The following GARNL3 variants were observed in gnomAD, a reference collection of about 807,000 sequenced individuals.
GARNL3 encodes GTPase activating Rap/RanGAP domain like 3.
GARNL3 carries 63 observed loss-of-function variants against 125.0 expected under a neutral mutation model. That is an observed-to-expected ratio of 0.50 (90% CI 0.41 to 0.62). The LOEUF (loss-of-function observed/expected upper bound fraction) is 0.62, where lower values mean the gene tolerates loss of function less well. Among genes scored for constraint, GARNL3 ranks in the 20% least tolerant of loss-of-function variants. The pLI is 0.00. For synonymous variants in GARNL3, 439 were observed against 457.5 expected (o/e 0.96, Z 0.52); for missense variants, 994 against 1,244.0 (o/e 0.80, Z 3.02).
chr9:127,344,188 G>C (rs1445238950), intron 14 of GARNL3, 47 bp from the exon 15 acceptor site: 1 of 1,324,306 alleles, frequency 7.6e-7, no homozygotes, highest in African/African-American at 1.5e-5. Context: ...CAAAAGATGA[G>C]ACTTAACAAC....
chr9:127,271,801 G>C lies in GARNL3; in HGVS notation c.144+6780G>C, dbSNP rs115478280. Among the ~76,000 whole-genome samples the C allele has an allele frequency of 4.6e-4, 69 of 150,336 alleles. 7 individuals carry two copies. The highest frequency in any genetic ancestry group is 1.5e-3 in the African/African-American group (60 of 39,676). ...TAAAACCCCGTATCTTGATACTTCT[G>C]GGTAAGTAATGATCTACTGGTGATT... is the stretch of plus-strand genomic sequence containing the variant. On this transcript the variant is annotated intron_variant, in intron 1 of 27. Coordinates refer to ENST00000373387, the MANE Select transcript of GARNL3 (RefSeq NM_032293.5).
At chr9:127,267,285 A>T (rs1334444834) in intron 1 of GARNL3, among the ~76,000 whole-genome samples, 2 of 152,178 alleles carry the variant, frequency 1.3e-5, no homozygotes, top group Admixed American at 6.5e-5. Flanking sequence ...AAATATATTT[A>T]AAAATTCCAC....
intron 15 of GARNL3, among the ~76,000 whole-genome samples, chr9:127,344,890 A>G (rs1830056865): frequency 6.6e-6 from 1 of 152,176 alleles, no homozygotes; most frequent in Admixed American, 6.5e-5. Context: ...CCGGGAGGCG[A>G]CACAGCTGTC....
At chr9:127,374,995 A>G (rs759003751) in intron 22 of GARNL3, among the ~76,000 whole-genome samples, 2 of 152,252 alleles carry the variant, frequency 1.3e-5, no homozygotes, top group Non-Finnish European at 2.9e-5. Context: ...GGCTAAAATG[A>G]AAACGATTGC....
intron 17 of GARNL3, among the ~76,000 whole-genome samples, chr9:127,350,277 A>G (rs1054812769): frequency 6.6e-6 from 1 of 152,238 alleles, no homozygotes; most frequent in Admixed American, 6.5e-5. Flanking sequence ...TAAATTGGAG[A>G]TAATTTTTTA....
At chr9:127,339,996 C>T (rs1193978061) in intron 13 of GARNL3, among the ~76,000 whole-genome samples, 2 of 152,120 alleles carry the variant, frequency 1.3e-5, no homozygotes, top group African/African-American at 2.4e-5. Context: ...TAAGGACCCT[C>T]GGGCCTCAAA....
At chr9:127,225,464 T>C in intron 1 of GARNL3, 1 of 670,944 alleles carries the variant, frequency 1.5e-6, no homozygotes, top group Non-Finnish European at 1.8e-6. Flanking sequence ...GGGATGGCGA[T>C]GTGAAGGGAC....
chr9:127,266,025 A>G lies in GARNL3; in HGVS notation c.144+1004A>G, dbSNP rs2063698205. Among the ~76,000 whole-genome samples, 1 of 152,238 alleles carries G rather than the reference A, an allele frequency of 6.6e-6. No individual in the cohort carries two copies. The highest frequency in any genetic ancestry group is 2.1e-4 in the South Asian group (1 of 4,830). ...GGAGCTTACTGTCCTCTGGCTGGGCAGATAAGACACATAAAATATCTGAAG... is the reference window on the plus strand; with the variant it reads ...GGAGCTTACTGTCCTCTGGCTGGGCGGATAAGACACATAAAATATCTGAAG... On this transcript the variant is annotated intron_variant, in intron 1 of 27. Transcript: ENST00000373387. The surrounding 1 kb of genome is among the most constrained non-coding windows in gnomAD (Gnocchi z 4.0).
rs914127728 is a variant in GARNL3 at position 127,393,423 on chromosome 9, T to C, written c.*169T>C. 1 of 484,950 alleles carries C rather than the reference T, an allele frequency of 2.1e-6. No individual in the cohort carries two copies. The highest frequency in any genetic ancestry group is 3.7e-6 in the Non-Finnish European group (1 of 272,020). 30.0% of individuals were successfully genotyped at this position (484,950 alleles called of 1,614,324 possible). A position where few individuals can be genotyped will look rare whatever the true frequency, so the allele number is the denominator to read the frequency against. ...TCCCTCTCCAATGTCCGGTGCCATC[T>C]TTCCTGACCTTTGTTTCTTTCTGTT... On this transcript the variant is annotated 3_prime_UTR_variant, in exon 28 of 28. Coordinates refer to ENST00000373387, the MANE Select transcript of GARNL3 (RefSeq NM_032293.5).
chr9:127,290,975 T>TGG (rs1432038582), intron 1 of GARNL3, among the ~76,000 whole-genome samples, 193 bp from the exon 2 acceptor site: 35 of 152,328 alleles, frequency 2.3e-4, no homozygotes, highest in African/African-American at 8.2e-4. Context: ...AGGCATTCCT[T>TGG]ACTCTTGGGT....
At chr9:127,258,215 T>G (rs531784793) in intron 2 of GARNL3, among the ~76,000 whole-genome samples, 2 of 152,308 alleles carry the variant, frequency 1.3e-5, no homozygotes, top group Non-Finnish European at 2.9e-5. Context: ...GGGAGCTGTC[T>G]GGAGAGTTAG....
chr9:127,347,665 T>G (rs1048229016), intron 16 of GARNL3, among the ~76,000 whole-genome samples: 4 of 152,218 alleles, frequency 2.6e-5, no homozygotes, highest in Non-Finnish European at 5.9e-5. Flanking sequence ...CTTCTCCCTA[T>G]TGACATTTAT....
intron 1 of GARNL3, among the ~76,000 whole-genome samples, chr9:127,284,949 G>A (rs1036454465): frequency 6.6e-6 from 1 of 151,992 alleles, no homozygotes; most frequent in Non-Finnish European, 1.5e-5. Flanking sequence ...GGTCTCAAGC[G>A]ATCCTCCTGT....
chr9:127,324,752 A>G (rs185531440), intron 6 of GARNL3, among the ~76,000 whole-genome samples: 63 of 152,346 alleles, frequency 4.1e-4, no homozygotes, highest in African/African-American at 1.5e-3. Flanking sequence ...AGAAGGAAGG[A>G]GAGACCCAAA....
intron 7 of GARNL3, among the ~76,000 whole-genome samples, chr9:127,331,061 G>T (rs974823922): frequency 6.6e-6 from 1 of 152,082 alleles, no homozygotes; most frequent in Non-Finnish European, 1.5e-5. Context: ...TGACCACCAA[G>T]AATTTCTTCA....
Position 127,387,342 on chromosome 9 carries a change from A to G in GARNL3, c.2527+11A>G. 6.2e-7 allele frequency: 1 copy of G among 1,605,436 alleles called. No individual in the cohort carries two copies. Among genetic ancestry groups the G allele is most frequent in the Non-Finnish European group, 8.5e-7 (1 of 1,176,092 alleles). On this transcript the variant is annotated intron_variant, in intron 25 of 27. Coordinates refer to ENST00000373387, the MANE Select transcript of GARNL3 (RefSeq NM_032293.5). Reference sequence around the variant, plus strand: ...CTTCCCTGGGGGAAGGTGAAGTCCAAGTTTTACTGTTTTATTAATATTTGT... The same window carrying G: ...CTTCCCTGGGGGAAGGTGAAGTCCAGGTTTTACTGTTTTATTAATATTTGT...
intron 1 of GARNL3, among the ~76,000 whole-genome samples, chr9:127,265,769 T>G (rs2063691465): frequency 6.6e-6 from 1 of 152,238 alleles, no homozygotes; most frequent in African/African-American, 2.4e-5. Context: ...CTATTTCTAT[T>G]TATTAAAAAT....
chr9:127,310,927 T>G (rs2065078131), intron 2 of GARNL3, among the ~76,000 whole-genome samples: 1 of 152,174 alleles, frequency 6.6e-6, no homozygotes, highest in Non-Finnish European at 1.5e-5. Flanking sequence ...TTGCAGATCC[T>G]CGACAACATG....
chr9:127,320,290 C>T (rs1217934059), intron 5 of GARNL3, among the ~76,000 whole-genome samples: 1 of 152,190 alleles, frequency 6.6e-6, no homozygotes, highest in Non-Finnish European at 1.5e-5. Context: ...ATTTCAATCT[C>T]CTTGTTTTAC....
Sources: allele counts gnomAD v4.1 joint callset (sites outside exome capture counted in the v4.1 genomes callset), GRCh38; gene constraint gnomAD v4.1.1; non-coding constraint Gnocchi (gnomAD v3.1); transcripts MANE v1.5; gene names NCBI Gene and HGNC (gene_info 2026-07-23, HGNC 2026-07-21).